The following SDK1 variants were observed in gnomAD, a reference collection of about 807,000 sequenced individuals.
SDK1 encodes the protein protein sidekick-1.
SDK1 carries 157 observed loss-of-function variants against 245.5 expected under a neutral mutation model. The observed-to-expected ratio is 0.64, with a 90% CI of 0.56 to 0.73. The LOEUF is 0.73. Ranked by LOEUF, SDK1 falls within the 30% of genes least tolerant of loss-of-function variation. The probability of loss-of-function intolerance (pLI) is 0.00; values close to 1 mark genes in which losing one functional copy is unlikely to be tolerated. For synonymous variants in SDK1, 1,647 were observed against 1,278.5 expected, an observed-to-expected ratio of 1.29 and a Z score of -6.15; for missense variants, 3,583 against 3,002.3, an observed-to-expected ratio of 1.19 and a Z score of -4.52.
At chr7:4,081,229 G>A (rs1781037031) in intron 22 of SDK1, among the ~76,000 whole-genome samples, 1 of 152,180 alleles carries the variant, frequency 6.6e-6, no homozygotes, top group Non-Finnish European at 1.5e-5. Flanking sequence ...GCAGGCCTAG[G>A]AGTGGATGAC....
At chr7:4,078,478 C>T (rs764808202) in intron 21 of SDK1, among the ~76,000 whole-genome samples, 14 of 152,096 alleles carry the variant, frequency 9.2e-5, no homozygotes, top group Non-Finnish European at 1.8e-4. Flanking sequence ...CTGCCCATGC[C>T]GATACTGAAT....
chr7:3,317,601 C>T (rs143992436), intron 1 of SDK1, among the ~76,000 whole-genome samples: 1,967 of 152,166 alleles, frequency 0.013, 25 homozygotes, highest in Non-Finnish European at 0.019. Flanking sequence ...CTTTAAGTGG[C>T]GTTTTTTCCT....
intron 1 of SDK1, among the ~76,000 whole-genome samples, chr7:3,360,665 A>C (rs1044007493): frequency 7.2e-5 from 11 of 152,098 alleles, no homozygotes; most frequent in African/African-American, 2.7e-4. Flanking sequence ...AGGTTTTGTT[A>C]CCTTGGCCCA....
At chr7:3,889,898 G>A (rs1276165955) in intron 5 of SDK1, among the ~76,000 whole-genome samples, 1 of 152,122 alleles carries the variant, frequency 6.6e-6, no homozygotes, top group Non-Finnish European at 1.5e-5. Flanking sequence ...ACCTCTTCCA[G>A]CTTTTGTGAA....
Position 4,114,074 on chromosome 7 carries a change from C to T in SDK1, c.3623C>T (p.Ser1208Phe). 1 of 1,614,216 alleles carries T rather than the reference C, an allele frequency of 6.2e-7. No individual in the cohort carries two copies. The change falls in exon 25 of 45, where the codon TCC becomes TTC. Residue 1208 changes from serine to phenylalanine, a missense_variant. Ser to Phe is a radical substitution (Grantham distance 155). Coordinates refer to ENST00000404826, the MANE Select transcript of SDK1 (RefSeq NM_152744.4). The stretch of plus-strand genomic sequence containing the variant: ...TCTCAGTACAACGGGAACCCCGAGT[C>T]CGTGGGCTACAGGATTAAGTACTGG... Reference protein sequence around the residue: ...PDSQYNGNPESVGYRIKYWRS... With the variant: ...PDSQYNGNPEFVGYRIKYWRS...
At chr7:3,623,745 C>T (rs538682044) in intron 2 of SDK1, among the ~76,000 whole-genome samples, 63 of 152,160 alleles carry the variant, frequency 4.1e-4, no homozygotes, top group Non-Finnish European at 5.0e-4. Flanking sequence ...TCAACATATA[C>T]ATACACCTAA....
intron 1 of SDK1, among the ~76,000 whole-genome samples, chr7:3,585,482 G>C (rs902153455): frequency 1.3e-5 from 2 of 152,216 alleles, no homozygotes; most frequent in African/African-American, 4.8e-5. Flanking sequence ...TGGAAAGAGA[G>C]AGAAGGAGGC....
chr7:3,856,380 G>T (rs1780545835), intron 5 of SDK1, among the ~76,000 whole-genome samples: 1 of 150,890 alleles, frequency 6.6e-6, no homozygotes, highest in Middle Eastern at 3.4e-3. Flanking sequence ...TAAAATATCA[G>T]GTAGTTCAAA....
intron 1 of SDK1, among the ~76,000 whole-genome samples, chr7:3,565,253 G>C (rs1779874565): frequency 6.6e-6 from 1 of 152,112 alleles, no homozygotes; most frequent in South Asian, 2.1e-4. Flanking sequence ...CGGAGGTCAT[G>C]ATAAAGCATC....
intron 1 of SDK1, among the ~76,000 whole-genome samples, chr7:3,588,279 A>T (rs1333106141): frequency 2.0e-5 from 3 of 152,242 alleles, no homozygotes; most frequent in Non-Finnish European, 4.4e-5. Flanking sequence ...CATCAGATTA[A>T]TAACGTTATA....
intron 4 of SDK1, among the ~76,000 whole-genome samples, chr7:3,765,228 A>C (rs78147552): frequency 1.3e-5 from 2 of 152,154 alleles, no homozygotes; most frequent in African/African-American, 4.8e-5. Context: ...TGTTTCTGAG[A>C]TGCATCCATA....
intron 1 of SDK1, among the ~76,000 whole-genome samples, chr7:3,580,775 T>C (rs1238505595): frequency 6.6e-6 from 1 of 151,924 alleles, no homozygotes; most frequent in Non-Finnish European, 1.5e-5. Flanking sequence ...GAGACGATCC[T>C]GGCTAACACC....
At chr7:3,971,701 G>C in intron 12 of SDK1, 133 bp downstream of exon 12, 1 of 685,386 alleles carries the variant, frequency 1.5e-6, no homozygotes, top group South Asian at 1.7e-5. Flanking sequence ...GGTATCTTCT[G>C]GTTGTGGGCA....
intron 1 of SDK1, among the ~76,000 whole-genome samples, chr7:3,587,117 A>G (rs1313233110): frequency 1.3e-5 from 2 of 152,198 alleles, no homozygotes; most frequent in Non-Finnish European, 2.9e-5. Flanking sequence ...GAAAGGGTCC[A>G]GAAACAATGG....
intron 1 of SDK1, among the ~76,000 whole-genome samples, chr7:3,568,663 TG>T (rs1322283846): frequency 6.6e-6 from 1 of 152,208 alleles, no homozygotes; most frequent in Non-Finnish European, 1.5e-5. Context: ...GGCAGACCTG[TG>T]GCAGACAGAG....
chr7:4,211,773 C>G (rs1784526858), intron 38 of SDK1, among the ~76,000 whole-genome samples: 1 of 152,170 alleles, frequency 6.6e-6, no homozygotes, highest in Non-Finnish European at 1.5e-5. Context: ...CCACGCCCAG[C>G]TAACTTTTTG....
chr7:3,658,315 A>G (rs887312258), intron 4 of SDK1, among the ~76,000 whole-genome samples: 1 of 152,202 alleles, frequency 6.6e-6, no homozygotes, highest in African/African-American at 2.4e-5. Context: ...TCCAAGTGAC[A>G]GCCCCTAATA....
At chr7:3,628,700 A>G (rs933914491) in intron 2 of SDK1, among the ~76,000 whole-genome samples, 1 of 152,228 alleles carries the variant, frequency 6.6e-6, no homozygotes, top group Non-Finnish European at 1.5e-5. Flanking sequence ...GTCAAGATAA[A>G]GTAACTGGGA....
intron 1 of SDK1, among the ~76,000 whole-genome samples, chr7:3,503,188 G>A (rs1782273360): frequency 6.6e-6 from 1 of 152,108 alleles, no homozygotes; most frequent in South Asian, 2.1e-4. Context: ...TAAATTCAAG[G>A]TTTTTAAGAA....
Sources: allele counts gnomAD v4.1 joint callset (sites outside exome capture counted in the v4.1 genomes callset), GRCh38; gene constraint gnomAD v4.1.1; transcripts MANE v1.5; gene names NCBI Gene and HGNC (gene_info 2026-07-23, HGNC 2026-07-21).